RCOR1: variants seen among roughly 807,000 people sequenced by gnomAD.
The protein encoded by RCOR1 is REST corepressor.
RCOR1 carries 12 observed loss-of-function variants against 64.0 expected under a neutral mutation model. The ratio of observed to expected loss-of-function variants is 0.19; its 90% CI spans 0.12 to 0.30. RCOR1 has a LOEUF of 0.30. Among genes scored for constraint, RCOR1 ranks in the 10% least tolerant of loss-of-function variants. The pLI, the probability that RCOR1 is intolerant of heterozygous loss-of-function variation, is 1.00. For synonymous variants in RCOR1, 279 were observed against 227.2 expected, an observed-to-expected ratio of 1.23 and a Z score of -2.05; for missense variants, 502 against 621.2, an observed-to-expected ratio of 0.81 and a Z score of 2.04.
intron 2 of RCOR1, among the ~76,000 whole-genome samples, chr14:102,635,205 CA>C (rs1156310745): frequency 3.3e-5 from 5 of 152,010 alleles, no homozygotes; most frequent in African/African-American, 9.7e-5. Flanking sequence ...TCTTCTGTTA[CA>C]AAAAAATACT....
In RCOR1 at chr14:102,686,448, T is replaced by G. The variant is rs139887570; in HGVS notation, c.445+4470T>G. 5.3e-3 allele frequency among the ~76,000 whole-genome samples: 813 copies of G among 152,288 alleles called. 22 individuals are homozygous for G. Among genetic ancestry groups the G allele is most frequent in the Admixed American group, 0.046 (710 of 15,296 alleles). ...AATCAAGCAGCCTACAGTGACACAT[T>G]CTTATCACCCGAAATTCATAGTTTA... On this transcript the variant is annotated intron_variant, in intron 3 of 11. Transcript: ENST00000262241.
intron 3 of RCOR1, among the ~76,000 whole-genome samples, chr14:102,700,688 C>G (rs970379705): frequency 6.6e-6 from 1 of 152,212 alleles, no homozygotes; most frequent in Non-Finnish European, 1.5e-5. Context: ...GACTCATAAT[C>G]TCATCACCAG....
intron 8 of RCOR1, among the ~76,000 whole-genome samples, chr14:102,719,633 T>G (rs568699299): frequency 6.6e-6 from 1 of 152,382 alleles, no homozygotes; most frequent in African/African-American, 2.4e-5. Flanking sequence ...GCCTAGATAT[T>G]TCTGATACGG....
In RCOR1 at chr14:102,653,957, TTCTTTCTTTCTTTCTTTCTTTCTTTC is replaced by T. The variant is rs1567423328; in HGVS notation, c.362-27936_362-27911del. Among the ~76,000 whole-genome samples, 91 of 53,376 alleles carry T rather than the reference TTCTTTCTTTCTTTCTTTCTTTCTTTC, an allele frequency of 1.7e-3. 4 individuals carry two copies. Among genetic ancestry groups the T allele is most frequent in the African/African-American group, 4.5e-3 (30 of 6,728 alleles). The allele number at this position is 53,376 out of a possible 152,430, so 35.0% of individuals were successfully genotyped here. ...TTTCTTTCTTTCTTTCTTTCTTTCT[TTCTTTCTTTCTTTCTTTCTTTCTTTC>T]TTTTTTTTTTTTTTTTTTTTGAGAC... On this transcript the variant is annotated intron_variant, in intron 2 of 11. Transcript: ENST00000262241.
At chr14:102,655,896 T>G in intron 2 of RCOR1, 3 of 772,840 alleles carry the variant, frequency 3.9e-6, no homozygotes, top group Non-Finnish European at 3.1e-6. Flanking sequence ...GAGGTTGCGG[T>G]CAGTCGAGAT....
intron 7 of RCOR1, among the ~76,000 whole-genome samples, chr14:102,712,339 C>T (rs918679653): frequency 6.6e-6 from 1 of 151,872 alleles, no homozygotes; most frequent in Non-Finnish European, 1.5e-5. Flanking sequence ...CATGCCACCA[C>T]GCCCTGCTAG....
intron 2 of RCOR1, chr14:102,650,917 A>G (rs778403480): frequency 1.4e-6 from 1 of 722,444 alleles, no homozygotes; most frequent in African/African-American, 2.0e-5. Flanking sequence ...TTTGCTCTTT[A>G]TTGAATAACT....
chr14:102,593,355 G>A, intron 2 of RCOR1, 30 bp downstream of exon 2: 1 of 1,504,720 alleles, frequency 6.6e-7, no homozygotes, highest in East Asian at 2.7e-5. Flanking sequence ...GGCCGGCGGC[G>A]GGGATGAGCG....
intron 7 of RCOR1, among the ~76,000 whole-genome samples, chr14:102,711,591 A>G (rs1027179486): frequency 5.9e-5 from 9 of 152,148 alleles, no homozygotes; most frequent in African/African-American, 1.9e-4. Flanking sequence ...AACCTCTACA[A>G]TTGCATGTAA....
chr14:102,674,021 A>C (rs919367856), intron 2 of RCOR1, among the ~76,000 whole-genome samples: 1 of 152,248 alleles, frequency 6.6e-6, no homozygotes, highest in Non-Finnish European at 1.5e-5. Context: ...AAACAGAACT[A>C]CTAGAATATG....
chr14:102,705,197 A>AG (rs1311325878), intron 4 of RCOR1, among the ~76,000 whole-genome samples: 1 of 152,082 alleles, frequency 6.6e-6, no homozygotes, highest in African/African-American at 2.4e-5. Context: ...TTGACCTCTA[A>AG]GGGATAGGAT....
rs1235924114 is a variant in RCOR1, at chr14:102,592,792, C to G, written c.-95C>G. On this transcript the variant is annotated 5_prime_UTR_variant, in exon 1 of 12. Coordinates refer to ENST00000262241, the MANE Select transcript of RCOR1 (RefSeq NM_015156.4). ...GTGGGCTCCCGCCGCGCCCGCCCGG[C>G]CCCGCGCCGGCCCCGCGCCCCCTCC... is the stretch of plus-strand genomic sequence containing the variant. 8.4e-7 allele frequency: 1 copy of G among 1,186,056 alleles called. No homozygotes were observed. The highest frequency in any genetic ancestry group is 1.0e-6 in the Non-Finnish European group (1 of 958,396). 73.5% of individuals were successfully genotyped at this position (1,186,056 alleles called of 1,614,324 possible). A position where few individuals can be genotyped will look rare whatever the true frequency, so the allele number is the denominator to read the frequency against.
chr14:102,664,962 G>C (rs60360610), intron 2 of RCOR1, among the ~76,000 whole-genome samples: 1 of 151,988 alleles, frequency 6.6e-6, no homozygotes, highest in African/African-American at 2.4e-5. Flanking sequence ...TCTTTTCCTC[G>C]GCTAGCAATA....
intron 2 of RCOR1, among the ~76,000 whole-genome samples, chr14:102,673,373 G>A (rs972678726): frequency 5.0e-5 from 7 of 138,756 alleles, no homozygotes; most frequent in Non-Finnish European, 9.1e-5. Flanking sequence ...GTCTCCCTCT[G>A]TGGCCCAGGC....
In RCOR1 at chr14:102,597,885, C is replaced by T. The variant is rs187660235; in HGVS notation, c.361+4560C>T. Among the ~76,000 whole-genome samples the T allele has an allele frequency of 6.0e-3, 901 of 150,538 alleles. 9 individuals carry two copies. The highest frequency in any genetic ancestry group is 0.011 in the Admixed American group (163 of 15,086). ...AGGCTGGGGTGCAATGGCATGATCT[C>T]GATCTCGGCTCACCTCAACCTCCAC... On this transcript the variant is annotated intron_variant, in intron 2 of 11. Coordinates refer to ENST00000262241, the MANE Select transcript of RCOR1 (RefSeq NM_015156.4).
intron 4 of RCOR1, among the ~76,000 whole-genome samples, chr14:102,705,142 AGGG>A (rs1021480701): frequency 6.6e-6 from 1 of 151,794 alleles, no homozygotes; most frequent in East Asian, 1.9e-4. Context: ...AAAAAAAAAG[AGGG>A]GGGAAAGAAG....
At chr14:102,645,745 C>T (rs905064026) in intron 2 of RCOR1, among the ~76,000 whole-genome samples, 19 of 152,152 alleles carry the variant, frequency 1.2e-4, no homozygotes, top group Non-Finnish European at 2.5e-4. Context: ...TTCTGTAGGT[C>T]AGGAATTTAG....
chr14:102,717,212 C>G (rs537052298), intron 8 of RCOR1, among the ~76,000 whole-genome samples: 2 of 152,228 alleles, frequency 1.3e-5, no homozygotes, highest in African/African-American at 2.4e-5. Flanking sequence ...TTCATTCTCT[C>G]TCTGGAATTC....
chr14:102,601,237 T>C (rs965033574), intron 2 of RCOR1, among the ~76,000 whole-genome samples: 1 of 151,558 alleles, frequency 6.6e-6, no homozygotes, highest in South Asian at 2.1e-4. Context: ...GGTTTCGAAC[T>C]CTTGACCTCA....
Sources: allele counts gnomAD v4.1 joint callset (sites outside exome capture counted in the v4.1 genomes callset), GRCh38; gene constraint gnomAD v4.1.1; transcripts MANE v1.5; gene names NCBI Gene and HGNC (gene_info 2026-07-23, HGNC 2026-07-21).